CNTNAP2: variants seen among roughly 807,000 people sequenced by gnomAD.
CNTNAP2 encodes contactin associated protein 2.
Under a neutral mutation model 155.2 loss-of-function variants are expected in CNTNAP2, and 98 were observed. The observed-to-expected ratio is 0.63, with a 90% CI of 0.54 to 0.75. CNTNAP2 has a LOEUF of 0.75. Among genes scored for constraint, CNTNAP2 ranks in the 30% least tolerant of loss-of-function variants. The probability of loss-of-function intolerance (pLI) is 0.00; values close to 1 mark genes in which losing one functional copy is unlikely to be tolerated. For synonymous variants in CNTNAP2, 651 were observed against 631.2 expected, an observed-to-expected ratio of 1.03 and a Z score of -0.47; for missense variants, 1,727 against 1,688.1, an observed-to-expected ratio of 1.02 and a Z score of -0.40.
At chr7:147,423,351 A>C (rs1295491917) in intron 10 of CNTNAP2, among the ~76,000 whole-genome samples, 2 of 152,196 alleles carry the variant, frequency 1.3e-5, no homozygotes, top group Non-Finnish European at 2.9e-5. Context: ...AGTAATTTAT[A>C]TGCCCAAAGA....
At chr7:147,802,338 G>T (rs1219888000) in intron 13 of CNTNAP2, among the ~76,000 whole-genome samples, 1 of 151,138 alleles carries the variant, frequency 6.6e-6, no homozygotes, top group Non-Finnish European at 1.5e-5. Flanking sequence ...ACGATGGGCG[G>T]CCAGGCAGAG....
At chr7:147,585,996 A>G (rs922815070) in intron 12 of CNTNAP2, among the ~76,000 whole-genome samples, 2 of 152,174 alleles carry the variant, frequency 1.3e-5, no homozygotes, top group Admixed American at 1.3e-4. Context: ...TAAAACTTCA[A>G]TCAATACATG....
chr7:147,054,020 G>T (rs1464217046), intron 4 of CNTNAP2, among the ~76,000 whole-genome samples: 2 of 152,146 alleles, frequency 1.3e-5, no homozygotes, highest in East Asian at 3.9e-4. Flanking sequence ...ATTAATCGCA[G>T]ACCTAGAAAT....
chr7:146,634,830 G>T (rs114332340), intron 1 of CNTNAP2, among the ~76,000 whole-genome samples: 2,924 of 152,278 alleles, frequency 0.019, 108 homozygotes, highest in African/African-American at 0.065. Context: ...CTCAGGGACT[G>T]CAATGTTTTT....
At chr7:147,083,854 T>C (rs569805755) in intron 4 of CNTNAP2, among the ~76,000 whole-genome samples, 153 of 141,054 alleles carry the variant, frequency 1.1e-3, no homozygotes, top group African/African-American at 3.7e-3. Context: ...ATTATATACA[T>C]ATACACATGT....
intron 1 of CNTNAP2, among the ~76,000 whole-genome samples, chr7:146,441,918 T>C (rs1309996341): frequency 2.0e-5 from 3 of 151,602 alleles, no homozygotes; most frequent in African/African-American, 7.3e-5. Context: ...GATATTAATT[T>C]TTTGTATCTT....
intron 1 of CNTNAP2, among the ~76,000 whole-genome samples, chr7:146,655,413 C>CAAA (rs66710703): frequency 5.3e-3 from 389 of 73,914 alleles, no homozygotes; most frequent in Non-Finnish European, 5.9e-3. Context: ...GACTCTGTCT[C>CAAA]AAAAAAAAAA....
intron 1 of CNTNAP2, among the ~76,000 whole-genome samples, chr7:146,163,435 A>G (rs1184655100): frequency 1.3e-5 from 2 of 149,148 alleles, no homozygotes; most frequent in African/African-American, 4.9e-5. Flanking sequence ...TAAAAATACA[A>G]AACCCCATCT....
chr7:146,539,252 T>A lies in CNTNAP2; in HGVS notation c.98-235019T>A, dbSNP rs112221241. 6.7e-3 allele frequency among the ~76,000 whole-genome samples: 1,013 copies of A among 152,170 alleles called. 10 individuals carry two copies. Among genetic ancestry groups the A allele is most frequent in the African/African-American group, 0.023 (947 of 41,524 alleles). ...CTTTTTCACAACGCTATATCATGCT[T>A]CTTACAGCACTTAAGCTGCTGGTAC... On this transcript the variant is annotated intron_variant, in intron 1 of 23. Transcript: ENST00000361727.
intron 1 of CNTNAP2, among the ~76,000 whole-genome samples, chr7:146,293,071 G>A (rs1348900198): frequency 2.0e-5 from 3 of 152,024 alleles, no homozygotes; most frequent in Admixed American, 6.6e-5. Flanking sequence ...ATTCAATATT[G>A]TATTCACGAA....
At chr7:146,495,843 G>C (rs1797207594) in intron 1 of CNTNAP2, among the ~76,000 whole-genome samples, 1 of 152,036 alleles carries the variant, frequency 6.6e-6, no homozygotes, top group Admixed American at 6.6e-5. Flanking sequence ...CAAGTGGTAA[G>C]GCCAAATCAC....
At chr7:148,326,419 C>T (rs1268790326) in intron 21 of CNTNAP2, among the ~76,000 whole-genome samples, 1 of 152,096 alleles carries the variant, frequency 6.6e-6, no homozygotes, top group Non-Finnish European at 1.5e-5. Flanking sequence ...TCTACTCATC[C>T]TTTTGGGGTC....
At chr7:147,712,207 C>T (rs1796410203) in intron 13 of CNTNAP2, among the ~76,000 whole-genome samples, 2 of 152,142 alleles carry the variant, frequency 1.3e-5, no homozygotes, top group South Asian at 2.1e-4. Flanking sequence ...TACCATCTCA[C>T]ACCAGTTAGA....
At chr7:147,086,518 C>G (rs1210455836) in intron 4 of CNTNAP2, among the ~76,000 whole-genome samples, 1 of 152,022 alleles carries the variant, frequency 6.6e-6, no homozygotes, top group Non-Finnish European at 1.5e-5. Flanking sequence ...CTCATGGCAG[C>G]CTCAGTTTCC....
intron 1 of CNTNAP2, among the ~76,000 whole-genome samples, chr7:146,450,554 T>C (rs1010222173): frequency 2.2e-4 from 33 of 152,196 alleles, no homozygotes; most frequent in African/African-American, 7.7e-4. Flanking sequence ...AACAGACTTC[T>C]AAGAGCATAC....
intron 8 of CNTNAP2, among the ~76,000 whole-genome samples, chr7:147,158,643 T>C (rs1801970169): frequency 6.6e-6 from 1 of 152,092 alleles, no homozygotes; most frequent in South Asian, 2.1e-4. Flanking sequence ...GGTGTTTGTG[T>C]CTCAGAGTGA....
intron 3 of CNTNAP2, among the ~76,000 whole-genome samples, chr7:146,856,261 TATAG>T (rs72247117): frequency 0.16 from 21,465 of 134,532 alleles, 2,015 homozygotes; most frequent in Non-Finnish European, 0.2. Flanking sequence ...AGATGATAGA[TATAG>T]ATAGATAGAT....
chr7:146,421,071 G>GA (rs1796005095), intron 1 of CNTNAP2, among the ~76,000 whole-genome samples: 1 of 151,918 alleles, frequency 6.6e-6, no homozygotes, highest in Admixed American at 6.6e-5. Context: ...GGTATAGAGT[G>GA]AAAAAAGGTA....
At chr7:146,602,627 G>A (rs376488431) in intron 1 of CNTNAP2, among the ~76,000 whole-genome samples, 8 of 152,168 alleles carry the variant, frequency 5.3e-5, no homozygotes, top group Middle Eastern at 3.4e-3. Context: ...ACATAACTAC[G>A]TTGCCCTTGA....
Sources: gnomAD v4.1 joint callset for allele counts (sites outside exome capture counted in the v4.1 genomes callset) on GRCh38, gnomAD v4.1.1 for gene constraint, MANE v1.5 for transcripts, NCBI Gene and HGNC (gene_info 2026-07-23, HGNC 2026-07-21) for gene names.